The following GPR21 variants were observed in gnomAD, a reference collection of about 807,000 sequenced individuals.
GPR21 encodes G protein-coupled receptor 21, also known as probable G protein-coupled receptor 21.
GPR21 carries 9 observed loss-of-function variants against 21.5 expected under a neutral mutation model. That is an observed-to-expected ratio of 0.42 (90% confidence interval 0.25 to 0.73). The LOEUF is 0.73. Ranked by LOEUF, GPR21 falls within the 30% of genes least tolerant of loss-of-function variation. The pLI is 0.27. For synonymous variants in GPR21, 169 were observed against 159.3 expected (o/e 1.06, Z -0.46); for missense variants, 416 against 428.9 (o/e 0.97, Z 0.27).
Position 123,035,405 on chromosome 9 carries a change from A to G in GPR21, c.839A>G (p.His280Arg). The change falls in exon 2 of 2, where the codon CAC becomes CGC. Residue 280 changes from histidine (H) to arginine (R), a missense_variant. His to Arg is a conservative substitution (Grantham distance 29). Coordinates refer to ENST00000616002, the MANE Select transcript of GPR21 (RefSeq NM_005294.3). ...TTCTTGTTGGAAAGCTCCACTGGCC[A>G]CAGCAACCGCTTCGCATCCTTCTTG... Reference protein sequence around the residue: ...IYFLLESSTGHSNRFASFLTT... With the variant: ...IYFLLESSTGRSNRFASFLTT... 1 of 1,614,168 alleles carries G rather than the reference A, an allele frequency of 6.2e-7. No individual in the cohort carries two copies.
In GPR21 at chr9:123,034,636, A is replaced by AAGG; in HGVS notation, c.70_71insAGG (p.Thr24delinsLysAla). ...CCTCTTGGCATTTGGCTATTTGGAA[A>AAGG]CTGTCAATTTTTGCCTTTTGGAAGT... On this transcript the variant is annotated protein_altering_variant, in exon 2 of 2. Coordinates refer to ENST00000616002, the MANE Select transcript of GPR21 (RefSeq NM_005294.3). 2 of 1,613,858 alleles carry AAGG rather than the reference A, an allele frequency of 1.2e-6. No homozygotes were observed. The highest frequency in any genetic ancestry group is 1.7e-6 in the Non-Finnish European group (2 of 1,179,808).
chr9:123,043,242 CAGG>C, the GPR21 span, among the ~76,000 whole-genome samples: 1 of 152,098 alleles, frequency 6.6e-6, no homozygotes, highest in Non-Finnish European at 1.5e-5. Context: ...GTCTCTGACA[CAGG>C]AGGATGGTGA....
downstream of GPR21, among the ~76,000 whole-genome samples, chr9:123,039,987 G>C (rs2032873133): frequency 1.3e-5 from 2 of 152,124 alleles, no homozygotes; most frequent in South Asian, 4.1e-4. Flanking sequence ...ATTGTATTAT[G>C]TAAGAGCAGT....
chr9:123,045,506 G>T, the GPR21 span, among the ~76,000 whole-genome samples: 75 of 152,142 alleles, frequency 4.9e-4, no homozygotes, highest in Non-Finnish European at 8.2e-4. Context: ...TACTGAGGAT[G>T]TGTATTGTAG....
chr9:123,039,688 G>C (rs760485837), downstream of GPR21, among the ~76,000 whole-genome samples: 14 of 152,186 alleles, frequency 9.2e-5, no homozygotes, highest in African/African-American at 2.4e-5. Context: ...ACTTCAGGCA[G>C]TGCTTTCAAA....
downstream of GPR21, among the ~76,000 whole-genome samples, chr9:123,040,555 G>A (rs1316964053): frequency 1.3e-5 from 2 of 152,042 alleles, no homozygotes; most frequent in Non-Finnish European, 2.9e-5. Flanking sequence ...CTTTTAGTCA[G>A]ATTCTTTGCA....
the GPR21 span, among the ~76,000 whole-genome samples, chr9:123,041,859 T>A: frequency 6.6e-6 from 1 of 152,194 alleles, no homozygotes; most frequent in African/African-American, 2.4e-5. Flanking sequence ...TGATAGAAGC[T>A]GAAAAACAGA....
chr9:123,033,931 T>C (rs988512685), intron 1 of GPR21, among the ~76,000 whole-genome samples, 189 bp downstream of exon 1: 4 of 152,074 alleles, frequency 2.6e-5, no homozygotes, highest in African/African-American at 9.7e-5. Context: ...TGAAAGGAAA[T>C]GGGGGTAAAT....
At chr9:123,036,137 A>G (rs2032646831), downstream of GPR21, among the ~76,000 whole-genome samples, 1 of 152,238 alleles carries the variant, frequency 6.6e-6, no homozygotes, top group Non-Finnish European at 1.5e-5. Context: ...AAGTTTCAAC[A>G]CTGTCATTTA....
downstream of GPR21, among the ~76,000 whole-genome samples, chr9:123,038,929 T>C (rs1483648784): frequency 6.6e-6 from 1 of 152,072 alleles, no homozygotes; most frequent in Non-Finnish European, 1.5e-5. Flanking sequence ...AATTAAGTAG[T>C]TTTGTAAATG....
Position 123,035,361 on chromosome 9 carries a change from G to T in GPR21, c.795G>T (p.Trp265Cys). Residue 265 changes from tryptophan to cysteine, a missense_variant, in exon 2 of 2, where the codon TGG becomes TGT. By Grantham distance (215) the Trp-to-Cys change is radical. Coordinates refer to ENST00000616002, the MANE Select transcript of GPR21 (RefSeq NM_005294.3). ...TCACTAGTGTATTTTACATCCTCTG[G>T]TTGCCATATATCATCTACTTCTTGT... ...FRITSVFYIL[W>C]LPYIIYFLLE... The T allele has an allele frequency of 6.2e-7, 1 of 1,614,084 alleles. No individual in the cohort carries two copies. The highest frequency in any genetic ancestry group is 8.5e-7 in the Non-Finnish European group (1 of 1,180,006).
At chr9:123,036,623 G>GT (rs912335782), downstream of GPR21, among the ~76,000 whole-genome samples, 4 of 152,048 alleles carry the variant, frequency 2.6e-5, no homozygotes, top group African/African-American at 4.8e-5. Flanking sequence ...TATACAGATT[G>GT]TTTTTTTAAA....
At chr9:123,045,079 C>T in the GPR21 span, among the ~76,000 whole-genome samples, 2 of 152,128 alleles carry the variant, frequency 1.3e-5, no homozygotes, top group Non-Finnish European at 2.9e-5. Context: ...TGTTACAAAA[C>T]GACTGAATTA....
At chr9:123,037,977 C>A (rs923089248), downstream of GPR21, among the ~76,000 whole-genome samples, 2 of 152,034 alleles carry the variant, frequency 1.3e-5, no homozygotes, top group African/African-American at 2.4e-5. Flanking sequence ...TGGCATGTGA[C>A]TGGTATCAGA....
chr9:123,034,887 TGTA>T lies in GPR21; in HGVS notation c.325_327del (p.Val109del). On this transcript the variant is annotated inframe_deletion, in exon 2 of 2. Coordinates refer to ENST00000616002, the MANE Select transcript of GPR21 (RefSeq NM_005294.3). The stretch of plus-strand genomic sequence containing the variant: ...CCTTGACTTGCCAGATATTTGGTTT[TGTA>T]GTATCAGTTCTGAAGAGCGTCTCCA... 1 of 1,613,954 alleles carries T rather than the reference TGTA, an allele frequency of 6.2e-7. No homozygotes were observed.
the GPR21 span, among the ~76,000 whole-genome samples, chr9:123,042,747 G>T: frequency 2.6e-5 from 4 of 152,038 alleles, no homozygotes; most frequent in East Asian, 5.8e-4. Flanking sequence ...CAGAATAGAG[G>T]AAAAGAAAGG....
At chr9:123,043,172 A>T in the GPR21 span, among the ~76,000 whole-genome samples, 2 of 152,204 alleles carry the variant, frequency 1.3e-5, no homozygotes, top group Non-Finnish European at 2.9e-5. Context: ...TTACTGAAGG[A>T]TATGCTTCTC....
chr9:123,037,151 A>T (rs996263388), downstream of GPR21, among the ~76,000 whole-genome samples: 1 of 152,158 alleles, frequency 6.6e-6, no homozygotes, highest in African/African-American at 2.4e-5. Flanking sequence ...CCCAGGGGAC[A>T]TGGGTTAAAG....
downstream of GPR21, among the ~76,000 whole-genome samples, chr9:123,037,801 C>G (rs1588312615): frequency 6.6e-6 from 1 of 151,960 alleles, no homozygotes; most frequent in Non-Finnish European, 1.5e-5. Flanking sequence ...GGGGTGTTTT[C>G]TGTGTGATAT....
Sources: gnomAD v4.1 joint callset for allele counts (sites outside exome capture counted in the v4.1 genomes callset) on GRCh38, gnomAD v4.1.1 for gene constraint, MANE v1.5 for transcripts, NCBI Gene and HGNC (gene_info 2026-07-23, HGNC 2026-07-21) for gene names.